FRA10AC1: variants seen among roughly 807,000 people sequenced by gnomAD.
FRA10AC1 encodes protein FRA10AC1.
In FRA10AC1, 43 loss-of-function variants were observed where a neutral mutation model predicts 56.5. The ratio of observed to expected loss-of-function variants is 0.76; its 90% CI spans 0.60 to 0.98. The LOEUF is 0.98. Among genes scored for constraint, FRA10AC1 ranks in the 50% least tolerant of loss-of-function variants. FRA10AC1 has a pLI of 0.00. For synonymous variants in FRA10AC1, 112 were observed against 110.5 expected (o/e 1.01, Z -0.09); for missense variants, 346 against 351.8 (o/e 0.98, Z 0.13).
rs867126260 is a variant in FRA10AC1 at position 93,691,888 on chromosome 10, G to A, written c.465+121C>T. The A allele has an allele frequency of 1.1e-5, 12 of 1,067,238 alleles. No homozygotes were observed. In the East Asian group the frequency reaches 1.7e-4, roughly 15 times the overall value. 66.1% of individuals were successfully genotyped at this position (1,067,238 alleles called of 1,614,324 possible). ...ATGGTCCAAATGACACATCATAAAC[G>A]CAGGACAACTGAGTCTAGAATTAGC... On this transcript the variant is annotated intron_variant, in intron 7 of 13. Coordinates refer to ENST00000359204, the MANE Select transcript of FRA10AC1 (RefSeq NM_145246.5).
Position 93,673,458 on chromosome 10 carries a change from G to C in FRA10AC1, c.827-2610C>G, listed in dbSNP as rs187641390. On this transcript the variant is annotated intron_variant, in intron 12 of 13. Transcript: ENST00000359204. ...TCAAGTTTTCAATGTTCCCTTTAGA[G>C]TGTGGTGCCTAAAATTATATACAAT... 3.5e-4 allele frequency: 147 copies of C among 420,906 alleles called. 1 individual carries two copies. The highest frequency in any genetic ancestry group is 2.8e-3 in the African/African-American group (135 of 48,186). 26.1% of individuals were successfully genotyped at this position (420,906 alleles called of 1,614,324 possible). A position where few individuals can be genotyped will look rare whatever the true frequency, so the allele number is the denominator to read the frequency against.
intron 1 of FRA10AC1, 128 bp downstream of exon 1, chr10:93,702,247 G>C (rs936462746): frequency 3.4e-5 from 5 of 146,500 alleles, no homozygotes; most frequent in East Asian, 2.0e-4. Context: ...TCCAGAATCT[G>C]TCATCCAAAA....
In FRA10AC1 at chr10:93,700,820, C is replaced by G. The variant is rs111626102; in HGVS notation, c.1-714G>C. ...CTTGCCCTTTGGATTAGTCAGCTTT[C>G]TCTTGTTTCATTTTATTTATCCAGT... On this transcript the variant is annotated intron_variant, in intron 1 of 13. Transcript: ENST00000359204. 4.3e-3 allele frequency among the ~76,000 whole-genome samples: 654 copies of G among 152,240 alleles called. 7 individuals carry two copies. The highest frequency in any genetic ancestry group is 0.015 in the African/African-American group (634 of 41,542).
At chr10:93,681,390 A>C (rs2058931208) in intron 11 of FRA10AC1, 90 bp downstream of exon 11, 1 of 824,572 alleles carries the variant, frequency 1.2e-6, no homozygotes, top group Non-Finnish European at 1.9e-6. Context: ...GAAATTCTCA[A>C]TGCATTCACC....
intron 9 of FRA10AC1, 52 bp from the exon 10 acceptor site, chr10:93,684,150 A>G: frequency 7.7e-7 from 1 of 1,298,910 alleles, no homozygotes; most frequent in South Asian, 1.2e-5. Flanking sequence ...CCACACTGCT[A>G]ATCTACTTTT....
chr10:93,700,744 A>T (rs1223368858), intron 1 of FRA10AC1, among the ~76,000 whole-genome samples: 1 of 152,156 alleles, frequency 6.6e-6, no homozygotes, highest in Admixed American at 6.5e-5. Context: ...AATCTTTTTC[A>T]ATATATGTAG....
chr10:93,673,735 T>C, intron 12 of FRA10AC1: 4 of 441,414 alleles, frequency 9.1e-6, no homozygotes, highest in Non-Finnish European at 1.8e-5. Context: ...ATCAAGGACT[T>C]ACTTTGCGTC....
chr10:93,670,887 T>C (rs761777346), intron 12 of FRA10AC1, 39 bp from the exon 13 acceptor site: 8 of 1,321,452 alleles, frequency 6.1e-6, no homozygotes, highest in Middle Eastern at 1.9e-4. Flanking sequence ...AAACCTATTA[T>C]ACTTAAAGCA....
intron 4 of FRA10AC1, among the ~76,000 whole-genome samples, chr10:93,696,147 G>A (rs1397430712): frequency 1.3e-5 from 2 of 152,140 alleles, no homozygotes; most frequent in Non-Finnish European, 2.9e-5. Context: ...GACTCTAAAA[G>A]GTGGAAGGAA....
intron 11 of FRA10AC1, among the ~76,000 whole-genome samples, chr10:93,677,473 G>A (rs2058862066): frequency 1.3e-5 from 2 of 152,140 alleles, no homozygotes; most frequent in Admixed American, 1.3e-4. Flanking sequence ...ATCCTCTAAT[G>A]AGGAACATGA....
intron 1 of FRA10AC1, 144 bp from the exon 2 acceptor site, chr10:93,700,250 C>A (rs1384012405): frequency 5.9e-6 from 3 of 510,358 alleles, no homozygotes; most frequent in Non-Finnish European, 6.9e-6. Flanking sequence ...GGCCATCTAG[C>A]CATCTAAAAC....
intron 3 of FRA10AC1, 48 bp from the exon 4 acceptor site, chr10:93,698,229 A>G: frequency 6.6e-7 from 1 of 1,507,256 alleles, no homozygotes; most frequent in Non-Finnish European, 9.1e-7. Context: ...TTATATTCAA[A>G]TTAACATAAT....
Position 93,698,938 on chromosome 10 carries a change from C to T in FRA10AC1, c.78-542G>A, listed in dbSNP as rs982851372. Among the ~76,000 whole-genome samples the T allele has an allele frequency of 2.0e-5, 3 of 152,078 alleles. No homozygotes were observed. In the East Asian group the frequency reaches 5.8e-4, roughly 29 times the overall value. ...TTCACATTTTTTTAAACCTCATTGG[C>T]TATCATTAGTGTATTTTACGCAGGC... is the stretch of plus-strand genomic sequence containing the variant. On this transcript the variant is annotated intron_variant, in intron 2 of 13. Coordinates refer to ENST00000359204, the MANE Select transcript of FRA10AC1 (RefSeq NM_145246.5).
chr10:93,670,719 T>C (rs1170210488), intron 13 of FRA10AC1, 51 bp downstream of exon 13: 1 of 1,204,798 alleles, frequency 8.3e-7, no homozygotes, highest in Non-Finnish European at 1.2e-6. Flanking sequence ...TGGTTATAGC[T>C]TCCTAAACTG....
chr10:93,682,138 CTT>C (rs2058946376), intron 10 of FRA10AC1, among the ~76,000 whole-genome samples: 2 of 152,148 alleles, frequency 1.3e-5, no homozygotes, highest in Non-Finnish European at 1.5e-5. Flanking sequence ...AATTTATACT[CTT>C]ATTGTTGCAG....
intron 7 of FRA10AC1, among the ~76,000 whole-genome samples, chr10:93,689,257 G>A (rs915328110): frequency 1.3e-5 from 2 of 151,558 alleles, no homozygotes; most frequent in Admixed American, 6.6e-5. Context: ...ACCGTGCCTG[G>A]CAATTTCAAT....
intron 13 of FRA10AC1, 56 bp from the exon 14 acceptor site, chr10:93,669,924 A>G (rs2058734982): frequency 1.1e-6 from 1 of 880,446 alleles, no homozygotes; most frequent in South Asian, 1.5e-5. Context: ...TTACTACATG[A>G]TACATTATAT....
intron 11 of FRA10AC1, among the ~76,000 whole-genome samples, chr10:93,680,971 C>A (rs1312936351): frequency 6.6e-6 from 1 of 152,092 alleles, no homozygotes; most frequent in Non-Finnish European, 1.5e-5. Context: ...TTTCTCATTT[C>A]TAGAAACTCA....
intron 11 of FRA10AC1, among the ~76,000 whole-genome samples, chr10:93,677,447 T>A (rs947999774): frequency 2.0e-5 from 3 of 152,060 alleles, no homozygotes; most frequent in African/African-American, 2.4e-5. Context: ...AAACAGGAAA[T>A]GTATTCTTTC....
Sources: gnomAD v4.1 joint callset for allele counts (sites outside exome capture counted in the v4.1 genomes callset) on GRCh38, gnomAD v4.1.1 for gene constraint, MANE v1.5 for transcripts, NCBI Gene and HGNC (gene_info 2026-07-23, HGNC 2026-07-21) for gene names.